The following BRWD1 variants were observed in gnomAD, a reference collection of about 807,000 sequenced individuals.
BRWD1 encodes the protein bromodomain and WD repeat domain containing 1, also known as bromodomain and WD repeat-containing protein 1.
A neutral mutation model predicts 251.2 loss-of-function variants in BRWD1; 82 were observed. That is an observed-to-expected ratio of 0.33 (90% CI 0.27 to 0.39). The LOEUF is 0.39. Among genes scored for constraint, BRWD1 ranks in the 10% least tolerant of loss-of-function variants. The pLI, the probability that BRWD1 is intolerant of heterozygous loss-of-function variation, is 1.00. For synonymous variants in BRWD1, 918 were observed against 902.8 expected (o/e 1.02, Z -0.30); for missense variants, 2,233 against 2,711.6 (o/e 0.82, Z 3.92).
Position 39,313,592 on chromosome 21 carries a change from C to CCGCCGG in BRWD1, c.-102_-101insCCGGCG, listed in dbSNP as rs1555880796. The CCGCCGG allele has an allele frequency of 1.1e-5, 3 of 275,040 alleles. No individual in the cohort carries two copies. Among genetic ancestry groups the CCGCCGG allele is most frequent in the African/African-American group, 1.5e-4 (1 of 6,858 alleles). The allele number at this position is 275,040 out of a possible 1,614,324, so 17.0% of individuals were successfully genotyped here. ...GGCGTCCCCTCTTCTCAGGCGCGCG[C>CCGCCGG]CGCCGCCGCCGCCGCCGCCGCCATA... On this transcript the variant is annotated 5_prime_UTR_variant, in exon 1 of 41. Transcript: ENST00000342449.
At chr21:39,184,853 G>A (rs1416378365), downstream of BRWD1, 1 of 152,116 alleles carries the variant, frequency 6.6e-6, no homozygotes, top group Admixed American at 6.5e-5. Flanking sequence ...TGGGTTAACT[G>A]GTCTATTATG....
At chr21:39,317,587 C>G (rs2036711302), upstream of BRWD1, among the ~76,000 whole-genome samples, 1 of 152,240 alleles carries the variant, frequency 6.6e-6, no homozygotes, top group Admixed American at 6.5e-5. Flanking sequence ...TCCATTCTCC[C>G]TTGGCCACGT....
intron 21 of BRWD1, among the ~76,000 whole-genome samples, chr21:39,241,937 C>T (rs1464075064): frequency 6.6e-6 from 1 of 152,294 alleles, no homozygotes; most frequent in African/African-American, 2.4e-5. Context: ...GAACAATACT[C>T]ATATAAGATA....
intron 38 of BRWD1, among the ~76,000 whole-genome samples, chr21:39,200,701 G>C (rs1416042070): frequency 6.6e-6 from 1 of 152,106 alleles, no homozygotes; most frequent in Admixed American, 6.6e-5. Context: ...TTAATTAGCT[G>C]CAGGCCGGGC....
intron 36 of BRWD1, among the ~76,000 whole-genome samples, chr21:39,208,210 T>C (rs1347294565): frequency 1.3e-5 from 2 of 152,180 alleles, no homozygotes; most frequent in African/African-American, 4.8e-5. Flanking sequence ...GTGAACTGTA[T>C]GGTATGTGTC....
intron 25 of BRWD1, 95 bp downstream of exon 25, chr21:39,232,082 A>C: frequency 1.9e-6 from 2 of 1,036,394 alleles, no homozygotes; most frequent in Non-Finnish European, 1.4e-6. Flanking sequence ...GAAAGTAATA[A>C]AATATGTTTC....
At chr21:39,203,351 C>G (rs2032204526) in intron 37 of BRWD1, among the ~76,000 whole-genome samples, 1 of 151,148 alleles carries the variant, frequency 6.6e-6, no homozygotes, top group African/African-American at 2.4e-5. Context: ...ACTCAGGAGA[C>G]TTGTTTTAGC....
At chr21:39,256,327 A>G (rs2034561760) in intron 18 of BRWD1, among the ~76,000 whole-genome samples, 1 of 152,250 alleles carries the variant, frequency 6.6e-6, no homozygotes, top group African/African-American at 2.4e-5. Flanking sequence ...GAAGACAGAT[A>G]CCTGAAATCA....
Position 39,246,910 on chromosome 21 carries a change from C to T in BRWD1, c.2481+791G>A, listed in dbSNP as rs185179283. On this transcript the variant is annotated intron_variant, in intron 21 of 40. Coordinates refer to ENST00000342449, the MANE Select transcript of BRWD1 (RefSeq NM_033656.4). ...ATCCTAGCCAACATGGTGAAAACCC[C>T]TTCTCTACTAAAAATACAAAAATTA... 1.2e-4 allele frequency among the ~76,000 whole-genome samples: 18 copies of T among 152,224 alleles called. No individual in the cohort carries two copies. In the East Asian group the frequency reaches 2.3e-3, roughly 20 times the overall value.
At chr21:39,221,435 C>T (rs952390140) in intron 29 of BRWD1, among the ~76,000 whole-genome samples, 2 of 151,820 alleles carry the variant, frequency 1.3e-5, no homozygotes, top group African/African-American at 4.8e-5. Flanking sequence ...GCATATGTAA[C>T]AAATTTTACA....
rs113492308 is a variant in BRWD1, at chr21:39,206,950, A to G, written c.4198-676T>C. On this transcript the variant is annotated intron_variant, in intron 36 of 40. Transcript: ENST00000342449. ...AAAGTCTAATGCTCAAAACTTAAAT[A>G]TAATTCTTGTGCATGGCAGTGGATG... Among the ~76,000 whole-genome samples, 98 of 152,268 alleles carry G rather than the reference A, an allele frequency of 6.4e-4. 5 individuals carry two copies. The highest frequency in any genetic ancestry group is 1.2e-4 in the Non-Finnish European group (8 of 68,036).
rs963157204 is a variant in BRWD1 at position 39,188,103 on chromosome 21, ATGTT to A, written c.*8152_*8155del. The A allele has an allele frequency of 2.0e-6, 2 of 985,310 alleles. No homozygotes were observed. Among genetic ancestry groups the A allele is most frequent in the African/African-American group, 3.5e-5 (2 of 57,234 alleles). 61.0% of individuals were successfully genotyped at this position (985,310 alleles called of 1,614,324 possible). On this transcript the variant is annotated 3_prime_UTR_variant, in exon 41 of 41. Coordinates refer to ENST00000342449, the MANE Select transcript of BRWD1 (RefSeq NM_033656.4). ...TGACCAAACTTAGGAGGGCTCAGAT[ATGTT>A]TGTTACCAGTGTCTCAAAGCCAAAT... is the stretch of plus-strand genomic sequence containing the variant.
At chr21:39,215,016 C>T (rs185289410) in intron 32 of BRWD1, among the ~76,000 whole-genome samples, 58 of 151,440 alleles carry the variant, frequency 3.8e-4, no homozygotes, top group African/African-American at 1.2e-3. Flanking sequence ...CTCAGCCACC[C>T]GCCACCACGC....
chr21:39,288,094 G>A (rs934697431), intron 8 of BRWD1, among the ~76,000 whole-genome samples: 1 of 152,194 alleles, frequency 6.6e-6, no homozygotes, highest in Admixed American at 6.5e-5. Context: ...ACTGGGAATA[G>A]GGGGATCTGC....
At chr21:39,242,504 T>C (rs1457340374) in intron 21 of BRWD1, among the ~76,000 whole-genome samples, 2 of 152,228 alleles carry the variant, frequency 1.3e-5, no homozygotes, top group Non-Finnish European at 2.9e-5. Flanking sequence ...AGTGCTTTAA[T>C]GGAGAACCTG....
chr21:39,250,505 T>TA (rs558000169), intron 20 of BRWD1, among the ~76,000 whole-genome samples: 5,020 of 142,504 alleles, frequency 0.035, 215 homozygotes, highest in Admixed American at 0.13. Context: ...TGAGAGCCCT[T>TA]AAAAAAAAAA....
In BRWD1 at chr21:39,196,061, C is replaced by T; in HGVS notation, c.*198G>A. The T allele has an allele frequency of 7.7e-6, 10 of 1,296,238 alleles. No individual in the cohort carries two copies. The South Asian group carries it at 2.4e-4, about 31-fold the overall frequency. 80.3% of individuals were successfully genotyped at this position (1,296,238 alleles called of 1,614,324 possible). ...GCCCCCAAAATGAAGCATATTTTGG[C>T]ACCTGTGCTGAATGCTGCTACAAAG... On this transcript the variant is annotated 3_prime_UTR_variant, in exon 41 of 41. Coordinates refer to ENST00000342449, the MANE Select transcript of BRWD1 (RefSeq NM_033656.4).
intron 8 of BRWD1, among the ~76,000 whole-genome samples, chr21:39,280,506 A>G (rs1450897258): frequency 6.6e-6 from 1 of 152,054 alleles, no homozygotes; most frequent in Admixed American, 6.6e-5. Flanking sequence ...TAGTCCTACT[A>G]GATATTAAAG....
chr21:39,277,215 A>C (rs900865514), intron 11 of BRWD1, 36 bp downstream of exon 11: 2 of 1,468,940 alleles, frequency 1.4e-6, no homozygotes, highest in Admixed American at 3.6e-5. Flanking sequence ...TAGTATTAAC[A>C]ATTAATCTAA....
Sources: allele counts gnomAD v4.1 joint callset (sites outside exome capture counted in the v4.1 genomes callset), GRCh38; gene constraint gnomAD v4.1.1; transcripts MANE v1.5; gene names NCBI Gene and HGNC (gene_info 2026-07-23, HGNC 2026-07-21).